Variants in SIPA1L3 observed in about 807,000 individuals in gnomAD.
SIPA1L3 encodes signal-induced proliferation-associated 1-like protein 3.
A neutral mutation model predicts 150.1 loss-of-function variants in SIPA1L3; 59 were observed. The ratio of observed to expected loss-of-function variants is 0.39; its 90% CI spans 0.32 to 0.49. The LOEUF (loss-of-function observed/expected upper bound fraction) is 0.49. Ranked by LOEUF, SIPA1L3 falls within the 20% of genes least tolerant of loss-of-function variation. SIPA1L3 has a pLI of 0.86. For synonymous variants in SIPA1L3, 1,070 were observed against 1,077.6 expected, an observed-to-expected ratio of 0.99 and a Z score of 0.14; for missense variants, 2,211 against 2,489.5, an observed-to-expected ratio of 0.89 and a Z score of 2.38.
rs34706897 is a variant in SIPA1L3 at position 38,021,544 on chromosome 19, C to CTT, written c.-378-7532_-378-7531dup. On this transcript the variant is annotated intron_variant, in intron 1 of 21. Coordinates refer to ENST00000222345, the MANE Select transcript of SIPA1L3 (RefSeq NM_015073.3). ...AAATGACTGTTAGATGAGTCTGATC[C>CTT]TTTTTTTTTTTTTTGGAGACAGAAT... is the stretch of plus-strand genomic sequence containing the variant. Among the ~76,000 whole-genome samples the CTT allele has an allele frequency of 5.3e-4, 76 of 143,498 alleles. 1 individual carries two copies. Among genetic ancestry groups the CTT allele is most frequent in the African/African-American group, 8.9e-4 (35 of 39,108 alleles). The allele number at this position is 143,498 out of a possible 152,430, so 94.1% of individuals were successfully genotyped here. A position where few individuals can be genotyped will look rare whatever the true frequency, so the allele number is the denominator to read the frequency against.
At chr19:37,946,370 C>T (rs1482003684) in intron 1 of SIPA1L3, among the ~76,000 whole-genome samples, 6 of 151,928 alleles carry the variant, frequency 3.9e-5, no homozygotes, top group Non-Finnish European at 8.8e-5. Flanking sequence ...TGGCCTCAAG[C>T]GATCCTCCCC....
chr19:37,971,845 G>T (rs1966948998), intron 1 of SIPA1L3, among the ~76,000 whole-genome samples: 1 of 152,078 alleles, frequency 6.6e-6, no homozygotes, highest in African/African-American at 2.4e-5. Context: ...GGGATTACAG[G>T]TGTGAGCCAT....
rs998522010 is a variant in SIPA1L3, at chr19:38,142,788, C to T, written c.3533+78C>T. Reference sequence around the variant, plus strand: ...TCCTTCTTCCCCAGCAAATGCACACCCCCACAATTCTAGTTGCCATTTTAT... The same window carrying T: ...TCCTTCTTCCCCAGCAAATGCACACTCCCACAATTCTAGTTGCCATTTTAT... On this transcript the variant is annotated intron_variant, in intron 12 of 21. Transcript: ENST00000222345. 17 of 1,493,486 alleles carry T rather than the reference C, an allele frequency of 1.1e-5. 1 individual carries two copies. Among genetic ancestry groups the T allele is most frequent in the Admixed American group, 3.7e-5 (2 of 54,018 alleles). The allele number at this position is 1,493,486 out of a possible 1,614,324, so 92.5% of individuals were successfully genotyped here.
chr19:38,190,427 T>G (rs1237945310), intron 16 of SIPA1L3, among the ~76,000 whole-genome samples: 1 of 152,186 alleles, frequency 6.6e-6, no homozygotes, highest in Admixed American at 6.5e-5. Flanking sequence ...CCCTGATAAC[T>G]GACAGACCCA....
chr19:38,066,144 C>G (rs1198180993), intron 2 of SIPA1L3, among the ~76,000 whole-genome samples: 17 of 151,638 alleles, frequency 1.1e-4, no homozygotes, highest in Admixed American at 1.1e-3. Flanking sequence ...TCTTGAGTAG[C>G]TGGTACTATA....
intron 1 of SIPA1L3, among the ~76,000 whole-genome samples, chr19:37,935,843 C>T (rs1276735737): frequency 6.6e-6 from 1 of 152,172 alleles, no homozygotes; most frequent in Non-Finnish European, 1.5e-5. Flanking sequence ...GTTGAAGAGT[C>T]AGCCCAGATT....
chr19:38,108,259 G>C (rs551014852), intron 7 of SIPA1L3, among the ~76,000 whole-genome samples: 1 of 152,162 alleles, frequency 6.6e-6, no homozygotes, highest in African/African-American at 2.4e-5. Flanking sequence ...TGGGAGGGGC[G>C]CTGGGGAAAA....
rs181800082 is a variant in SIPA1L3 at position 38,093,556 on chromosome 19, C to T, written c.1665+4705C>T. Among the ~76,000 whole-genome samples the T allele has an allele frequency of 1.1e-4, 16 of 152,280 alleles. No individual in the cohort carries two copies. In the East Asian group the frequency reaches 2.3e-3, roughly 22 times the overall value. Reference sequence around the variant, plus strand: ...CACTGTTGCAGCCGATGTTCCTTCCCAGGAGGTCAGAGCCCCATGCTGGGA... The same window carrying T: ...CACTGTTGCAGCCGATGTTCCTTCCTAGGAGGTCAGAGCCCCATGCTGGGA... On this transcript the variant is annotated intron_variant, in intron 4 of 21. Transcript: ENST00000222345.
intron 13 of SIPA1L3, among the ~76,000 whole-genome samples, chr19:38,153,804 C>T (rs1296011845): frequency 6.7e-6 from 1 of 149,076 alleles, no homozygotes; most frequent in African/African-American, 2.5e-5. Flanking sequence ...CGTGGTGGTA[C>T]ATGCCTGTAA....
chr19:38,136,139 T>A (rs1374991681), intron 10 of SIPA1L3, among the ~76,000 whole-genome samples: 1 of 115,130 alleles, frequency 8.7e-6, no homozygotes, highest in Non-Finnish European at 1.6e-5. Flanking sequence ...TGGTGTGAGA[T>A]CACGCCACTG....
At chr19:38,051,872 C>T (rs577301190) in intron 2 of SIPA1L3, among the ~76,000 whole-genome samples, 1 of 152,328 alleles carries the variant, frequency 6.6e-6, no homozygotes, top group East Asian at 1.9e-4. Context: ...GCTGGGATCG[C>T]AGGCGTGAGC....
chr19:38,145,492 C>T (rs1971682872), intron 12 of SIPA1L3, among the ~76,000 whole-genome samples: 1 of 145,662 alleles, frequency 6.9e-6, no homozygotes, highest in South Asian at 2.2e-4. Context: ...AAGACTGTGG[C>T]ACTGCACTCC....
rs74810818 is a variant in SIPA1L3, at chr19:37,955,547, C to T, written c.-379+48189C>T. 8.0e-3 allele frequency among the ~76,000 whole-genome samples: 1,221 copies of T among 152,270 alleles called. 16 individuals are homozygous for T. Among genetic ancestry groups the T allele is most frequent in the Middle Eastern group, 0.038 (11 of 292 alleles). ...GGCAGTCCTTGCTTCCACGCCTAGG[C>T]CCAGGCTACCACTAACCTGCTCTTT... On this transcript the variant is annotated intron_variant, in intron 1 of 21. Coordinates refer to ENST00000222345, the MANE Select transcript of SIPA1L3 (RefSeq NM_015073.3).
At chr19:38,189,503 T>C (rs1311473159) in intron 16 of SIPA1L3, among the ~76,000 whole-genome samples, 2 of 151,878 alleles carry the variant, frequency 1.3e-5, no homozygotes. Flanking sequence ...CGGTGGCCCA[T>C]GCCTGTAATC....
Position 38,082,122 on chromosome 19 carries a change from A to T in SIPA1L3, c.557A>T (p.Glu186Val), listed in dbSNP as rs1260564530. 1.2e-6 allele frequency: 2 copies of T among 1,606,804 alleles called. No homozygotes were observed. Among genetic ancestry groups the T allele is most frequent in the South Asian group, 1.1e-5 (1 of 90,990 alleles). ...GAGTGTGACGCGGAGGACGCGGGGG[A>T]GCCGCGGGGGGCCCGGCACACGGGG... ...LSECDAEDAG[E>V]PRGARHTGAL... The change falls in exon 3 of 22, where the codon GAG becomes GTG. Residue 186 changes from glutamate to valine, a missense_variant. By Grantham distance (121) the Glu-to-Val change is moderately radical. Coordinates refer to ENST00000222345, the MANE Select transcript of SIPA1L3 (RefSeq NM_015073.3).
chr19:37,968,136 C>T (rs1464208296), intron 1 of SIPA1L3, among the ~76,000 whole-genome samples: 2 of 122,964 alleles, frequency 1.6e-5, no homozygotes, highest in Non-Finnish European at 3.3e-5. Context: ...TGCAGTGGCG[C>T]GATCTCAGCT....
chr19:38,192,997 G>C (rs1468594836), intron 17 of SIPA1L3, among the ~76,000 whole-genome samples: 1 of 152,102 alleles, frequency 6.6e-6, no homozygotes, highest in Non-Finnish European at 1.5e-5. Flanking sequence ...GCTGGAGGGT[G>C]GGGTTGGGGA....
intron 3 of SIPA1L3, among the ~76,000 whole-genome samples, chr19:38,088,142 T>C (rs1970178648): frequency 6.6e-6 from 1 of 152,192 alleles, no homozygotes; most frequent in African/African-American, 2.4e-5. Flanking sequence ...TTGCCAACAC[T>C]CATCATGTGC....
intron 9 of SIPA1L3, among the ~76,000 whole-genome samples, chr19:38,126,099 G>A (rs533622238): frequency 1.2e-4 from 19 of 152,152 alleles, no homozygotes; most frequent in Admixed American, 9.2e-4. Flanking sequence ...GCGTGAACCC[G>A]GGAGGCGGAG....
Sources: gnomAD v4.1 joint callset for allele counts (sites outside exome capture counted in the v4.1 genomes callset) on GRCh38, gnomAD v4.1.1 for gene constraint, MANE v1.5 for transcripts, NCBI Gene and HGNC (gene_info 2026-07-23, HGNC 2026-07-21) for gene names.